The following RNF17 variants were observed in gnomAD, a reference collection of about 807,000 sequenced individuals.
RNF17 encodes ring finger protein 17.
RNF17 carries 31 observed loss-of-function variants against 200.5 expected under a neutral mutation model. The ratio of observed to expected loss-of-function variants is 0.15; its 90% CI spans 0.12 to 0.21. The LOEUF (loss-of-function observed/expected upper bound fraction) is 0.21. RNF17 is among the 10% of genes least tolerant of loss of function. The probability of loss-of-function intolerance (pLI) is 1.00; values close to 1 mark genes in which losing one functional copy is unlikely to be tolerated. For synonymous variants in RNF17, 606 were observed against 637.8 expected (o/e 0.95, Z 0.75); for missense variants, 1,628 against 1,905.1 (o/e 0.85, Z 2.71).
downstream of RNF17, chr13:24,883,020 A>G (rs966818038): frequency 7.6e-6 from 5 of 659,266 alleles, no homozygotes; most frequent in Non-Finnish European, 1.3e-5. Flanking sequence ...TTGCATTTCA[A>G]AGAATATAAA....
chr13:24,784,315 C>T (rs1882809494), intron 6 of RNF17, among the ~76,000 whole-genome samples: 1 of 152,166 alleles, frequency 6.6e-6, no homozygotes, highest in African/African-American at 2.4e-5. Flanking sequence ...AATGATACTG[C>T]TCTACAGTTT....
At chr13:24,872,174 G>A (rs77486093) in intron 32 of RNF17, among the ~76,000 whole-genome samples, 1 of 149,600 alleles carries the variant, frequency 6.7e-6, no homozygotes, top group East Asian at 2.0e-4. Context: ...TGGTCGGGCT[G>A]GTCTCGAACT....
intron 22 of RNF17, among the ~76,000 whole-genome samples, chr13:24,846,211 G>C (rs890723751): frequency 1.3e-5 from 2 of 152,160 alleles, no homozygotes; most frequent in Non-Finnish European, 2.9e-5. Flanking sequence ...CTGTAGACTT[G>C]AAAGCATACC....
intron 16 of RNF17, among the ~76,000 whole-genome samples, chr13:24,828,945 G>A (rs1458397147): frequency 6.6e-6 from 1 of 151,878 alleles, no homozygotes; most frequent in Admixed American, 6.6e-5. Flanking sequence ...ATTAGCCGGG[G>A]CTATAGGCAC....
rs560563564 is a variant in RNF17, at chr13:24,793,287, C to T, written c.1181C>T (p.Pro394Leu). The T allele has an allele frequency of 7.9e-5, 127 of 1,613,650 alleles. No individual in the cohort carries two copies. The highest frequency in any genetic ancestry group is 1.0e-4 in the Non-Finnish European group (123 of 1,179,858). Residue 394 changes from proline to leucine, a missense_variant, in exon 10 of 36, where the codon CCT becomes CTT. Around this residue, in one of 5 missense-constraint regions of RNF17, gnomAD observed 502 missense variants for 501.7 expected, o/e 1.00. Transcript: ENST00000255324. Reference protein sequence around the residue: ...TASPKTIAVLPQMGSSPDVII... With the variant: ...TASPKTIAVLLQMGSSPDVII... ...TCCCCTAAAACCATTGCTGTGTTAC[C>T]TCAGATGGGATCTAGCCCTGATGTG...
intron 26 of RNF17, 139 bp downstream of exon 26, chr13:24,859,303 T>G: frequency 1.6e-6 from 1 of 638,280 alleles, no homozygotes; most frequent in Non-Finnish European, 2.4e-6. Flanking sequence ...ATATTGTACT[T>G]TTATTTGTAA....
In RNF17 at chr13:24,870,611, C is replaced by G; in HGVS notation, c.4319C>G (p.Ser1440Cys). 1 of 1,613,986 alleles carries G rather than the reference C, an allele frequency of 6.2e-7. No individual in the cohort carries two copies. The highest frequency in any genetic ancestry group is 8.5e-7 in the Non-Finnish European group (1 of 1,179,910). ...GATTCTATAGAAACTTCTAACCAGT[C>G]TAACCAGCATAGTGACACAGATGAT... ...CLDSIETSNQ[S>C]NQHSDTDDSG... Residue 1440 changes from serine (S) to cysteine (C), a missense_variant, in exon 32 of 36, where the codon TCT becomes TGT. Physicochemically the swap from Ser to Cys is moderately radical, Grantham distance 112. Around this residue, in one of 5 missense-constraint regions of RNF17, gnomAD observed 609 missense variants for 681.9 expected, o/e 0.89. Transcript: ENST00000255324.
intron 18 of RNF17, among the ~76,000 whole-genome samples, chr13:24,836,984 C>T (rs1890067417): frequency 6.6e-6 from 1 of 152,218 alleles, no homozygotes; most frequent in Middle Eastern, 3.4e-3. Context: ...AGGAGACTCA[C>T]ATAACACATA....
At chr13:24,755,052 A>C in the RNF17 span, among the ~76,000 whole-genome samples, 1 of 152,144 alleles carries the variant, frequency 6.6e-6, no homozygotes, top group East Asian at 1.9e-4. Flanking sequence ...TTTCCTATAT[A>C]GGTATATAAT....
At chr13:24,868,815 T>G (rs1304010519) in intron 31 of RNF17, 99 bp downstream of exon 31, 3 of 724,380 alleles carry the variant, frequency 4.1e-6, no homozygotes, top group Non-Finnish European at 7.3e-6. Flanking sequence ...TTTCCTGATT[T>G]CAAATGTTGC....
At position 24,864,857 on chromosome 13, in the gene RNF17, A is replaced by T. The variant is rs770134689; in HGVS notation, c.3976-16A>T. The T allele has an allele frequency of 1.3e-6, 2 of 1,495,416 alleles. No individual in the cohort carries two copies. 92.6% of individuals were successfully genotyped at this position (1,495,416 alleles called of 1,614,324 possible). On this transcript the variant is annotated splice_polypyrimidine_tract_variant and intron_variant, in intron 28 of 35. Coordinates refer to ENST00000255324, the MANE Select transcript of RNF17 (RefSeq NM_031277.3). ...GGAGTTTATTTTTATGATTATCTTT[A>T]TTGAACTTTAAATAGGAGTTACCTA...
intron 11 of RNF17, 145 bp from the exon 12 acceptor site, chr13:24,799,246 ATCTT>A (rs1179199109): frequency 2.3e-5 from 14 of 619,560 alleles, no homozygotes; most frequent in Non-Finnish European, 3.4e-5. Flanking sequence ...GCTGTATTAT[ATCTT>A]TCTTATAGCA....
chr13:24,860,613 C>T (rs934989953), intron 26 of RNF17, among the ~76,000 whole-genome samples: 2 of 151,918 alleles, frequency 1.3e-5, no homozygotes, highest in Admixed American at 1.3e-4. Flanking sequence ...TATGTTGGGA[C>T]AGAAGAAATA....
Position 24,874,102 on chromosome 13 carries a change from C to G in RNF17, c.4448-12C>G, listed in dbSNP as rs371332780. 2.2e-4 allele frequency: 358 copies of G among 1,599,810 alleles called. No homozygotes were observed. The highest frequency in any genetic ancestry group is 2.9e-4 in the Non-Finnish European group (343 of 1,176,598). On this transcript the variant is annotated splice_polypyrimidine_tract_variant and intron_variant, in intron 32 of 35. Transcript: ENST00000255324. ...AGACAATATGATTTTTTCCCTTTTTCTGTCTTTCCAGAAATGCCTTGCCTT... is the reference window on the plus strand; with the variant it reads ...AGACAATATGATTTTTTCCCTTTTTGTGTCTTTCCAGAAATGCCTTGCCTT...
intron 15 of RNF17, among the ~76,000 whole-genome samples, chr13:24,811,820 G>A (rs1886665771): frequency 6.6e-6 from 1 of 152,030 alleles, no homozygotes; most frequent in African/African-American, 2.4e-5. Context: ...ATGGGTTTTT[G>A]GTGTGGATGT....
At chr13:24,874,304 T>C (rs765236043) in intron 33 of RNF17, 55 bp downstream of exon 33, 11 of 1,434,256 alleles carry the variant, frequency 7.7e-6, no homozygotes, top group Non-Finnish European at 1.0e-5. Flanking sequence ...TAAATAGTTT[T>C]CTTATTGAGA....
At chr13:24,830,736 G>T in intron 17 of RNF17, 137 bp downstream of exon 17, 1 of 659,372 alleles carries the variant, frequency 1.5e-6, no homozygotes, top group East Asian at 2.8e-5. Context: ...GATAAATGTT[G>T]CTGTGGTTAC....
intron 6 of RNF17, among the ~76,000 whole-genome samples, chr13:24,784,529 G>C (rs1477547968): frequency 6.6e-6 from 1 of 152,084 alleles, no homozygotes; most frequent in African/African-American, 2.4e-5. Flanking sequence ...AGTCATGTCT[G>C]TACAGATTTT....
At chr13:24,771,050 T>C (rs75558233) in intron 2 of RNF17, among the ~76,000 whole-genome samples, 2,335 of 152,328 alleles carry the variant, frequency 0.015, 61 homozygotes, top group East Asian at 0.081. Context: ...TTTCATATGT[T>C]TGACTTATCA....
Sources: allele counts gnomAD v4.1 joint callset (sites outside exome capture counted in the v4.1 genomes callset), GRCh38; gene constraint gnomAD v4.1.1; regional missense constraint gnomAD v4.1.1; transcripts MANE v1.5; gene names NCBI Gene and HGNC (gene_info 2026-07-23, HGNC 2026-07-21).